The following P4HA3 variants were observed in gnomAD, a reference collection of about 807,000 sequenced individuals.
P4HA3 encodes the protein prolyl 4-hydroxylase subunit alpha-3.
P4HA3 carries 60 observed loss-of-function variants against 66.7 expected under a neutral mutation model. The ratio of observed to expected loss-of-function variants is 0.90; its 90% CI spans 0.73 to 1.12. The LOEUF (loss-of-function observed/expected upper bound fraction) is 1.12, where lower values mean the gene tolerates loss of function less well. Among genes scored for constraint, P4HA3 ranks in the 50% most tolerant of loss-of-function variants. The pLI is 0.00. For missense variants in P4HA3, 683 were observed against 685.8 expected (o/e 1.00, Z 0.05); for synonymous variants, 263 against 274.6 (o/e 0.96, Z 0.42).
chr11:74,286,088 G>A, intron 6 of P4HA3, 103 bp from the exon 7 acceptor site: 1 of 1,488,546 alleles, frequency 6.7e-7, no homozygotes, highest in Non-Finnish European at 9.2e-7. Flanking sequence ...AAGAGATACA[G>A]AATGTGGTCA....
At chr11:74,250,672 C>T (rs1014961867) in intron 15 of P4HA3, 2 of 366,570 alleles carry the variant, frequency 5.5e-6, no homozygotes, top group Non-Finnish European at 1.0e-5. Context: ...CCCTACTGGA[C>T]TGTAAATCCC....
At chr11:74,257,828 A>C (rs866330868) in intron 15 of P4HA3, among the ~76,000 whole-genome samples, 41 of 152,152 alleles carry the variant, frequency 2.7e-4, no homozygotes, top group African/African-American at 9.4e-4. Flanking sequence ...TAATTAGAAC[A>C]GTGGCCACTG....
intron 15 of P4HA3, among the ~76,000 whole-genome samples, chr11:74,257,358 C>T (rs1347001152): frequency 2.6e-5 from 4 of 152,130 alleles, no homozygotes; most frequent in East Asian, 1.9e-4. Context: ...CTCCTGACCT[C>T]GAGTGATCTG....
At chr11:74,281,360 C>A (rs1371298466) in intron 7 of P4HA3, among the ~76,000 whole-genome samples, 3 of 152,088 alleles carry the variant, frequency 2.0e-5, no homozygotes, top group Non-Finnish European at 4.4e-5. Flanking sequence ...TTGACCCAGC[C>A]ATCCCATTAC....
chr11:74,261,856 G>A (rs1237153148), downstream of P4HA3, among the ~76,000 whole-genome samples: 3 of 152,268 alleles, frequency 2.0e-5, no homozygotes, highest in East Asian at 5.8e-4. Flanking sequence ...TTTGCCCACT[G>A]TGCAACTGTT....
In P4HA3 at chr11:74,269,735, G is replaced by A; in HGVS notation, c.1399-15C>T. On this transcript the variant is annotated splice_polypyrimidine_tract_variant and intron_variant, in intron 10 of 12. Coordinates refer to ENST00000331597, the MANE Select transcript of P4HA3 (RefSeq NM_182904.5). ...ACCGAGCTCAGCTACAAGACCAGAG[G>A]AAGAAGCCAGAGTTAAAACTGCCAC... is the stretch of plus-strand genomic sequence containing the variant. The A allele has an allele frequency of 6.2e-7, 1 of 1,613,276 alleles. No homozygotes were observed. Among genetic ancestry groups the A allele is most frequent in the Non-Finnish European group, 8.5e-7 (1 of 1,179,542 alleles).
At chr11:74,277,387 G>A (rs1000013050) in intron 8 of P4HA3, among the ~76,000 whole-genome samples, 3 of 152,158 alleles carry the variant, frequency 2.0e-5, no homozygotes, top group African/African-American at 7.2e-5. Context: ...GAGATACAAA[G>A]AGGAATAAGA....
Position 74,267,427 on chromosome 11 carries a change from T to G in P4HA3, c.1565-109A>C. On this transcript the variant is annotated intron_variant, in intron 12 of 12. Transcript: ENST00000331597. ...CGCGTGTGAGTGCCCCCTTAAATTCTGCATCCTAGGTAACTCACTTGCCCA... is the reference window on the plus strand; with the variant it reads ...CGCGTGTGAGTGCCCCCTTAAATTCGGCATCCTAGGTAACTCACTTGCCCA... The G allele has an allele frequency of 2.2e-6, 3 of 1,361,838 alleles. 1 individual carries two copies. The South Asian group carries it at 4.3e-5, about 19-fold the overall frequency. The allele number at this position is 1,361,838 out of a possible 1,614,324, so 84.4% of individuals were successfully genotyped here.
intron 4 of P4HA3, among the ~76,000 whole-genome samples, chr11:74,293,449 T>C (rs1201605849): frequency 6.6e-6 from 1 of 152,196 alleles, no homozygotes; most frequent in African/African-American, 2.4e-5. Context: ...CATTTACATT[T>C]AAGGTTAATA....
rs950046433 is a variant in P4HA3, at chr11:74,287,010, A to T, written c.770-619T>A. The T allele has an allele frequency of 1.4e-5, 12 of 850,514 alleles. No homozygotes were observed. The Admixed American group carries it at 4.7e-4, about 33-fold the overall frequency. The allele number at this position is 850,514 out of a possible 1,614,324, so 52.7% of individuals were successfully genotyped here. ...CAAATCTCCTAACTGGCCTAGACCC[A>T]GAGCAAAGAAGTATGGCGCAGAGGG... On this transcript the variant is annotated intron_variant, in intron 5 of 12. Coordinates refer to ENST00000331597, the MANE Select transcript of P4HA3 (RefSeq NM_182904.5).
intron 15 of P4HA3, among the ~76,000 whole-genome samples, chr11:74,257,518 G>A (rs1027599397): frequency 8.5e-5 from 13 of 152,158 alleles, no homozygotes; most frequent in Admixed American, 2.6e-4. Flanking sequence ...ACAGACAAGC[G>A]CTGGAGACTT....
chr11:74,251,598 A>G (rs369171590), intron 15 of P4HA3: 22 of 1,599,368 alleles, frequency 1.4e-5, no homozygotes, highest in African/African-American at 1.2e-4. Flanking sequence ...CCCAAGGCTA[A>G]GCCCCATCAC....
At chr11:74,299,663 T>C (rs1861339670) in intron 3 of P4HA3, among the ~76,000 whole-genome samples, 1 of 124,738 alleles carries the variant, frequency 8.0e-6, no homozygotes, top group African/African-American at 3.5e-5. Context: ...TTATATATTT[T>C]CAAGAAAAAA....
chr11:74,253,583 C>T, intron 15 of P4HA3: 2 of 1,482,400 alleles, frequency 1.3e-6, no homozygotes, highest in Non-Finnish European at 1.9e-6. Flanking sequence ...ACTGTGATGC[C>T]ACTGTCTCCT....
At chr11:74,253,162 T>C (rs1859747324) in intron 15 of P4HA3, among the ~76,000 whole-genome samples, 1 of 152,110 alleles carries the variant, frequency 6.6e-6, no homozygotes, top group Non-Finnish European at 1.5e-5. Flanking sequence ...GGCAAGACCT[T>C]GGGACAGTGA....
intron 12 of P4HA3, 45 bp from the exon 13 acceptor site, chr11:74,267,363 A>G (rs1860025056): frequency 6.2e-7 from 1 of 1,607,326 alleles, no homozygotes; most frequent in East Asian, 2.2e-5. Context: ...TCAGCAGAAC[A>G]GACAGCAGCA....
intron 4 of P4HA3, among the ~76,000 whole-genome samples, chr11:74,290,471 GTCTTTTGTTGCCATT>G (rs1229569105): frequency 6.7e-6 from 1 of 149,850 alleles, no homozygotes; most frequent in Non-Finnish European, 1.5e-5. Context: ...TGTCAATTTT[GTCTTTTGTTGCCATT>G]GCTTTTGGTG....
At chr11:74,294,845 G>A (rs1311270885) in intron 4 of P4HA3, among the ~76,000 whole-genome samples, 2 of 152,228 alleles carry the variant, frequency 1.3e-5, no homozygotes, top group Non-Finnish European at 1.5e-5. Flanking sequence ...TGAGGTGTCA[G>A]TCTGCCCCTA....
At chr11:74,302,311 T>C in intron 3 of P4HA3, 58 bp downstream of exon 3, 1 of 1,436,778 alleles carries the variant, frequency 7.0e-7, no homozygotes. Context: ...CGGTACATAG[T>C]TATTTTATCC....
Sources: gnomAD v4.1 joint callset for allele counts (sites outside exome capture counted in the v4.1 genomes callset) on GRCh38, gnomAD v4.1.1 for gene constraint, MANE v1.5 for transcripts, NCBI Gene and HGNC (gene_info 2026-07-23, HGNC 2026-07-21) for gene names.